The following C3orf20 variants were observed in gnomAD, a reference collection of about 807,000 sequenced individuals.
The protein encoded by C3orf20 is family with sequence similarity 149 member C, also known as uncharacterized protein C3orf20.
C3orf20 carries 76 observed loss-of-function variants against 88.3 expected under a neutral mutation model. The observed-to-expected ratio is 0.86, with a 90% CI of 0.72 to 1.04. The LOEUF (loss-of-function observed/expected upper bound fraction) is 1.04, where lower values mean the gene tolerates loss of function less well. Among genes scored for constraint, C3orf20 ranks in the 50% least tolerant of loss-of-function variants. The pLI is 0.00. For synonymous variants in C3orf20, 436 were observed against 437.4 expected, an observed-to-expected ratio of 1.00 and a Z score of 0.04; for missense variants, 1,056 against 1,123.3, an observed-to-expected ratio of 0.94 and a Z score of 0.86.
chr3:14,752,890 G>A (rs2125024678), intron 12 of C3orf20, among the ~76,000 whole-genome samples: 1 of 152,316 alleles, frequency 6.6e-6, no homozygotes, highest in East Asian at 1.9e-4. Flanking sequence ...ACTATTGGTG[G>A]GAGTGTAAAT....
chr3:14,738,824 T>G (rs1248357616), intron 12 of C3orf20, among the ~76,000 whole-genome samples: 1 of 146,960 alleles, frequency 6.8e-6, no homozygotes, highest in Non-Finnish European at 1.5e-5. Context: ...TGTTTTTTTT[T>G]TTTTTTTTTT....
intron 5 of C3orf20, among the ~76,000 whole-genome samples, chr3:14,694,538 C>T (rs2032882151): frequency 6.6e-6 from 1 of 152,006 alleles, no homozygotes; most frequent in South Asian, 2.1e-4. Flanking sequence ...GTAATGTCTC[C>T]TGTTTCATCT....
intron 5 of C3orf20, among the ~76,000 whole-genome samples, chr3:14,698,710 T>TG (rs1384152348): frequency 6.6e-6 from 1 of 152,066 alleles, no homozygotes; most frequent in African/African-American, 2.4e-5. Flanking sequence ...GGGAGTGCAC[T>TG]GGATGAAACC....
chr3:14,760,666 G>A (rs1158123945), intron 14 of C3orf20, among the ~76,000 whole-genome samples: 3 of 138,458 alleles, frequency 2.2e-5, no homozygotes, highest in African/African-American at 7.9e-5. Flanking sequence ...CTGGAGTGCA[G>A]TGGTGTAATC....
Position 14,704,544 on chromosome 3 carries a change from T to C in C3orf20, c.1086T>C (p.His362=). ...PSSANHHFSQ[H]CQEGKAPKKA... The stretch of plus-strand genomic sequence containing the variant: ...CTGCCAACCATCATTTCAGTCAGCA[T>C]TGTCAAGAGGGGAAGGCACCCAAGA... Residue 362 remains histidine (H), a synonymous_variant, in exon 7 of 17, where the codon CAT becomes CAC. Transcript: ENST00000253697. 6.2e-7 allele frequency: 1 copy of C among 1,614,124 alleles called. No homozygotes were observed. Among genetic ancestry groups the C allele is most frequent in the East Asian group, 2.2e-5 (1 of 44,878 alleles).
At chr3:14,740,414 A>G (rs549895266) in intron 12 of C3orf20, among the ~76,000 whole-genome samples, 1 of 152,342 alleles carries the variant, frequency 6.6e-6, no homozygotes, top group African/African-American at 2.4e-5. Flanking sequence ...GCCCCCAAAC[A>G]ATTACAATAG....
chr3:14,761,535 G>A lies in C3orf20; in HGVS notation c.2415G>A (p.Lys805=), dbSNP rs746362498. 2 of 1,613,990 alleles carry A rather than the reference G, an allele frequency of 1.2e-6. No homozygotes were observed. Among genetic ancestry groups the A allele is most frequent in the Non-Finnish European group, 1.7e-6 (2 of 1,179,914 alleles). ...GRVLNGYGLS[K]QNLLKQIFRS... is the part of the protein sequence containing the mutation. The stretch of plus-strand genomic sequence containing the variant: ...TTTTGAATGGATATGGCCTCAGCAA[G>A]CAGAATCTGCTGAAACAGATCTTCC... Residue 805 remains lysine (K), a synonymous_variant, in exon 15 of 17, where the codon AAG becomes AAA. Transcript: ENST00000253697.
chr3:14,686,890 T>C (rs1055699063), intron 4 of C3orf20, among the ~76,000 whole-genome samples: 5 of 152,224 alleles, frequency 3.3e-5, no homozygotes, highest in African/African-American at 1.2e-4. Context: ...CCCCTGATGG[T>C]CAGAGATTAA....
intron 12 of C3orf20, among the ~76,000 whole-genome samples, chr3:14,747,643 G>A (rs115696580): frequency 6.6e-6 from 1 of 152,184 alleles, no homozygotes; most frequent in African/African-American, 2.4e-5. Context: ...TTTCTCTTCA[G>A]TCATCCCACT....
At chr3:14,735,533 ATTG>A (rs1314595092) in intron 12 of C3orf20, among the ~76,000 whole-genome samples, 1 of 151,836 alleles carries the variant, frequency 6.6e-6, no homozygotes, top group Non-Finnish European at 1.5e-5. Flanking sequence ...GTTTTGCACT[ATTG>A]TTGTCATGTG....
intron 7 of C3orf20, among the ~76,000 whole-genome samples, chr3:14,712,182 G>T (rs9816101): frequency 0.027 from 616 of 22,460 alleles, 2 homozygotes; most frequent in Non-Finnish European, 0.064. Context: ...ACGCGCGCGC[G>T]CACACACACA....
At position 14,704,528 on chromosome 3, in the gene C3orf20, A is replaced by G. The variant is rs762236310; in HGVS notation, c.1070A>G (p.His357Arg). ...ACCTCTCACCCATCTTCTGCCAACC[A>G]TCATTTCAGTCAGCATTGTCAAGAG... ...SPTSHPSSAN[H>R]HFSQHCQEGK... Residue 357 changes from histidine (H) to arginine (R), a missense_variant, in exon 7 of 17, where the codon CAT (histidine) becomes CGT (arginine). By Grantham distance (29) the His-to-Arg change is conservative. Transcript: ENST00000253697. 4 of 1,613,938 alleles carry G rather than the reference A, an allele frequency of 2.5e-6. No homozygotes were observed. The highest frequency in any genetic ancestry group is 4.5e-5 in the East Asian group (2 of 44,890).
chr3:14,766,804 G>T (rs752739641), intron 15 of C3orf20, among the ~76,000 whole-genome samples: 18 of 152,214 alleles, frequency 1.2e-4, no homozygotes, highest in Non-Finnish European at 1.9e-4. Context: ...TAGGTGAAGA[G>T]GTGGGGCGCC....
At chr3:14,713,177 A>G (rs2033814654) in intron 7 of C3orf20, among the ~76,000 whole-genome samples, 1 of 152,156 alleles carries the variant, frequency 6.6e-6, no homozygotes, top group East Asian at 1.9e-4. Context: ...AGCTTCTTGA[A>G]CATGTATATT....
chr3:14,768,340 A>G lies in C3orf20; in HGVS notation c.2496-3727A>G, dbSNP rs1220636487. On this transcript the variant is annotated intron_variant, in intron 15 of 16. Transcript: ENST00000253697. This position sits in a 1 kb window ranked among gnomAD's most constrained non-coding sequence, Gnocchi z 4.1. The stretch of plus-strand genomic sequence containing the variant: ...CCAGCCACCGCCAGGCCCTCCCTCT[A>G]TGATGCTGCTCTGAGGAACAGCAAT... Among the ~76,000 whole-genome samples, 1 of 152,044 alleles carries G rather than the reference A, an allele frequency of 6.6e-6. No individual in the cohort carries two copies. Among genetic ancestry groups the G allele is most frequent in the Admixed American group, 6.5e-5 (1 of 15,296 alleles).
At chr3:14,722,672 G>A (rs1268277486) in intron 10 of C3orf20, 6 of 444,900 alleles carry the variant, frequency 1.3e-5, no homozygotes, top group Non-Finnish European at 2.3e-5. Context: ...AAAATTCCCT[G>A]TGATTCCCTC....
At chr3:14,750,304 C>T (rs536822679) in intron 12 of C3orf20, among the ~76,000 whole-genome samples, 1 of 152,244 alleles carries the variant, frequency 6.6e-6, no homozygotes, top group Non-Finnish European at 1.5e-5. Context: ...AATCCCAGCA[C>T]TTTGGGAGGC....
At chr3:14,743,433 T>C (rs2034972669) in intron 12 of C3orf20, among the ~76,000 whole-genome samples, 1 of 151,958 alleles carries the variant, frequency 6.6e-6, no homozygotes, top group African/African-American at 2.4e-5. Context: ...ACAGCCTCCC[T>C]CCTGGCTCCT....
At position 14,684,240 on chromosome 3, in the gene C3orf20, A is replaced by G. The variant is rs1176494707; in HGVS notation, c.485-2A>G. The stretch of plus-strand genomic sequence containing the variant: ...ACGTGTTGCTTTCTATCATTGCTTT[A>G]GTGGGTGCCAACCCCTTGGACATCA... On this transcript the variant is annotated splice_acceptor_variant, in intron 3 of 16. Transcript: ENST00000253697. LOFTEE classifies it high-confidence loss of function. 5.6e-6 allele frequency: 9 copies of G among 1,613,774 alleles called. No homozygotes were observed. Among genetic ancestry groups the G allele is most frequent in the Non-Finnish European group, 7.6e-6 (9 of 1,179,890 alleles).
Sources: gnomAD v4.1 joint callset for allele counts (sites outside exome capture counted in the v4.1 genomes callset) on GRCh38, gnomAD v4.1.1 for gene constraint, Gnocchi (gnomAD v3.1) non-coding constraint, MANE v1.5 for transcripts, NCBI Gene and HGNC (gene_info 2026-07-23, HGNC 2026-07-21) for gene names.